The following CADPS2 variants were observed in gnomAD, a reference collection of about 807,000 sequenced individuals.
CADPS2 encodes the protein calcium-dependent secretion activator 2.
In CADPS2, 93 loss-of-function variants were observed where a neutral mutation model predicts 172.5. That is an observed-to-expected ratio of 0.54 (90% CI 0.46 to 0.64). The LOEUF (loss-of-function observed/expected upper bound fraction) is 0.64, where lower values mean the gene tolerates loss of function less well. CADPS2 is among the 30% of genes least tolerant of loss of function. CADPS2 has a pLI of 0.00. For missense variants in CADPS2, 1,420 were observed against 1,565.9 expected (o/e 0.91, Z 1.57); for synonymous variants, 546 against 555.2 (o/e 0.98, Z 0.23).
At chr7:122,686,436 A>C (rs1372971140) in intron 2 of CADPS2, among the ~76,000 whole-genome samples, 1 of 152,218 alleles carries the variant, frequency 6.6e-6, no homozygotes, top group Non-Finnish European at 1.5e-5. Flanking sequence ...TCATTGCTGA[A>C]AATGAACTAT....
Position 122,416,054 on chromosome 7 carries a change from T to C in CADPS2, c.2580+7A>G. On this transcript the variant is annotated splice_region_variant and intron_variant, in intron 18 of 29. Coordinates refer to ENST00000449022, the MANE Select transcript of CADPS2 (RefSeq NM_017954.11). ...AGCTTTATACTACAGTGAAAACAGGTCATCACCTCTGCATGATGCTCTTCA... is the reference window on the plus strand; with the variant it reads ...AGCTTTATACTACAGTGAAAACAGGCCATCACCTCTGCATGATGCTCTTCA... 2.7e-6 allele frequency: 4 copies of C among 1,492,700 alleles called. No homozygotes were observed. The highest frequency in any genetic ancestry group is 3.6e-6 in the Non-Finnish European group (4 of 1,102,222). The allele number at this position is 1,492,700 out of a possible 1,614,324, so 92.5% of individuals were successfully genotyped here.
At chr7:122,404,873 C>G (rs913563454) in intron 20 of CADPS2, among the ~76,000 whole-genome samples, 6 of 152,050 alleles carry the variant, frequency 3.9e-5, no homozygotes, top group African/African-American at 1.4e-4. Flanking sequence ...TGCCTGTAAT[C>G]CCAGCACTTT....
intron 1 of CADPS2, among the ~76,000 whole-genome samples, chr7:122,818,245 A>G (rs1463883251): frequency 6.6e-6 from 1 of 151,662 alleles, no homozygotes; most frequent in Non-Finnish European, 1.5e-5. Flanking sequence ...AACCTCTTCA[A>G]CTCACACCTG....
intron 2 of CADPS2, among the ~76,000 whole-genome samples, chr7:122,691,672 A>G (rs546667359): frequency 6.6e-6 from 1 of 152,206 alleles, no homozygotes; most frequent in South Asian, 2.1e-4. Context: ...TCACCCTCCC[A>G]TGAAGGCAGA....
rs934107585 is a variant in CADPS2, at chr7:122,724,568, T to C, written c.453+12387A>G. 2.0e-5 allele frequency among the ~76,000 whole-genome samples: 3 copies of C among 152,056 alleles called. No homozygotes were observed. In the East Asian group the frequency reaches 5.8e-4, roughly 29 times the overall value. On this transcript the variant is annotated intron_variant, in intron 2 of 29. Transcript: ENST00000449022. ...TTAGCTAAGGCAGTGTACTTAGCAA[T>C]TTAACTTCATTAACTGGTTCAATCA...
At chr7:122,515,883 TGAC>T (rs2130896493) in intron 8 of CADPS2, among the ~76,000 whole-genome samples, 1 of 151,952 alleles carries the variant, frequency 6.6e-6, no homozygotes, top group Admixed American at 6.6e-5. Context: ...TTCTTTCACC[TGAC>T]ATTTGGTCAA....
At chr7:122,683,465 G>A (rs1044296386) in intron 2 of CADPS2, among the ~76,000 whole-genome samples, 10 of 152,152 alleles carry the variant, frequency 6.6e-5, no homozygotes, top group African/African-American at 2.4e-4. Context: ...GGAACCCAGT[G>A]GTTCTGTATC....
chr7:122,701,105 C>G lies in CADPS2; in HGVS notation c.453+35850G>C, dbSNP rs1588533914. On this transcript the variant is annotated intron_variant, in intron 2 of 29. Coordinates refer to ENST00000449022, the MANE Select transcript of CADPS2 (RefSeq NM_017954.11). ...ATTAAAAAAGGAAACTTTAAAATAGCATGGCTAATTCTCTATGGCAATGTC... is the reference window on the plus strand; with the variant it reads ...ATTAAAAAAGGAAACTTTAAAATAGGATGGCTAATTCTCTATGGCAATGTC... Among the ~76,000 whole-genome samples, 3 of 152,112 alleles carry G rather than the reference C, an allele frequency of 2.0e-5. 1 individual carries two copies. The South Asian group carries it at 6.2e-4, about 32-fold the overall frequency.
At chr7:122,480,745 A>G (rs1186621615) in intron 12 of CADPS2, 107 bp downstream of exon 12, 3 of 706,330 alleles carry the variant, frequency 4.2e-6, no homozygotes, top group African/African-American at 1.8e-5. Context: ...GGGTTTGGCT[A>G]GAAAGTAGGG....
At position 122,702,877 on chromosome 7, in the gene CADPS2, A is replaced by C. The variant is rs890376730; in HGVS notation, c.453+34078T>G. 8.2e-5 allele frequency: 54 copies of C among 657,542 alleles called. No homozygotes were observed. The Middle Eastern group carries it at 8.6e-4, about 10-fold the overall frequency. The allele number at this position is 657,542 out of a possible 1,614,324, so 40.7% of individuals were successfully genotyped here. A position where few individuals can be genotyped will look rare whatever the true frequency, so the allele number is the denominator to read the frequency against. On this transcript the variant is annotated intron_variant, in intron 2 of 29. Coordinates refer to ENST00000449022, the MANE Select transcript of CADPS2 (RefSeq NM_017954.11). ...ACATAAATGGAAAAGGTCTCCCTGG[A>C]TCAAAGCTATCTTGCTCCTTCCAGT...
chr7:122,702,862 A>T (rs1050359127), intron 2 of CADPS2: 4 of 739,934 alleles, frequency 5.4e-6, no homozygotes, highest in Admixed American at 5.9e-5. Context: ...ACATAAATGG[A>T]AAAGGTCTCC....
At chr7:122,830,436 A>G (rs1424949995) in intron 1 of CADPS2, among the ~76,000 whole-genome samples, 1 of 152,178 alleles carries the variant, frequency 6.6e-6, no homozygotes. Flanking sequence ...CACTGATCTC[A>G]AAAGGTCTGC....
chr7:122,483,096 C>T (rs113320676), intron 11 of CADPS2, among the ~76,000 whole-genome samples: 4,669 of 152,246 alleles, frequency 0.031, 209 homozygotes, highest in African/African-American at 0.11. Context: ...TTGGTCTTCC[C>T]TAACAAAACT....
intron 6 of CADPS2, among the ~76,000 whole-genome samples, chr7:122,606,564 T>C (rs1328959399): frequency 6.6e-6 from 1 of 151,910 alleles, no homozygotes; most frequent in Non-Finnish European, 1.5e-5. Flanking sequence ...TCTAGAAAAA[T>C]TGGAGCTTGG....
At chr7:122,698,011 A>G (rs1292960129) in intron 2 of CADPS2, 1 of 1,613,448 alleles carries the variant, frequency 6.2e-7, no homozygotes, top group Admixed American at 1.7e-5. Context: ...AATCCCCAAA[A>G]CTTTAAGAAT....
chr7:122,860,477 C>T (rs1256819874), intron 1 of CADPS2, among the ~76,000 whole-genome samples: 1 of 152,098 alleles, frequency 6.6e-6, no homozygotes, highest in Non-Finnish European at 1.5e-5. Context: ...TCAAGCAATT[C>T]TCCTGTCATC....
chr7:122,610,039 A>G (rs1443592349), intron 6 of CADPS2, among the ~76,000 whole-genome samples: 1 of 152,116 alleles, frequency 6.6e-6, no homozygotes, highest in Non-Finnish European at 1.5e-5. Flanking sequence ...GATAAATACA[A>G]ATCTCTTAAT....
chr7:122,350,764 T>A (rs1052037394), intron 27 of CADPS2, among the ~76,000 whole-genome samples: 2 of 151,956 alleles, frequency 1.3e-5, no homozygotes, highest in African/African-American at 4.8e-5. Context: ...GGTGGGAGGA[T>A]TGCTTGAGGC....
chr7:122,722,208 A>G (rs1015161114), intron 2 of CADPS2, among the ~76,000 whole-genome samples: 4 of 152,028 alleles, frequency 2.6e-5, no homozygotes, highest in East Asian at 1.9e-4. Flanking sequence ...CAGGCAGGAG[A>G]AAGAAAGAAA....
Sources: allele counts gnomAD v4.1 joint callset (sites outside exome capture counted in the v4.1 genomes callset), GRCh38; gene constraint gnomAD v4.1.1; transcripts MANE v1.5; gene names NCBI Gene and HGNC (gene_info 2026-07-23, HGNC 2026-07-21).